The following GLCE variants were observed in gnomAD, a reference collection of about 807,000 sequenced individuals.
The protein encoded by GLCE is D-glucuronyl C5-epimerase.
A neutral mutation model predicts 47.9 loss-of-function variants in GLCE; 19 were observed. The ratio of observed to expected loss-of-function variants is 0.40; its 90% CI spans 0.28 to 0.58. The LOEUF (loss-of-function observed/expected upper bound fraction) is 0.58. GLCE is among the 20% of genes least tolerant of loss of function. The pLI, the probability that GLCE is intolerant of heterozygous loss-of-function variation, is 0.48. For missense variants in GLCE, 556 were observed against 743.3 expected (o/e 0.75, Z 2.93); for synonymous variants, 245 against 263.4 (o/e 0.93, Z 0.68).
chr15:69,213,148 T>G (rs895587010), intron 2 of GLCE, among the ~76,000 whole-genome samples: 1 of 152,054 alleles, frequency 6.6e-6, no homozygotes, highest in African/African-American at 2.4e-5. Flanking sequence ...TACAGAGAGT[T>G]TTTTTAATAT....
intron 1 of GLCE, among the ~76,000 whole-genome samples, chr15:69,205,222 C>G (rs952511387): frequency 1.3e-5 from 2 of 151,658 alleles, no homozygotes; most frequent in South Asian, 2.1e-4. Context: ...CAAAAATGGT[C>G]ATGAAGTGGA....
At chr15:69,235,856 G>T (rs367766772) in intron 2 of GLCE, among the ~76,000 whole-genome samples, 309 of 152,122 alleles carry the variant, frequency 2.0e-3, no homozygotes, top group African/African-American at 7.1e-3. Context: ...GAGTTTTGTC[G>T]GATGAATACA....
chr15:69,164,840 A>G (rs6494786), intron 1 of GLCE, among the ~76,000 whole-genome samples: 112,325 of 151,992 alleles, frequency 0.74, 41,740 homozygotes, highest in Admixed American at 0.78. Context: ...TTTTAGTTCC[A>G]ATCCCTGGTT....
intron 1 of GLCE, among the ~76,000 whole-genome samples, chr15:69,176,788 G>A (rs943652051): frequency 1.3e-5 from 2 of 152,006 alleles, no homozygotes; most frequent in Non-Finnish European, 2.9e-5. Flanking sequence ...AATGACTTAG[G>A]CCATTTTGAT....
At chr15:69,177,423 GATAA>G (rs2051684299) in intron 1 of GLCE, among the ~76,000 whole-genome samples, 1 of 151,938 alleles carries the variant, frequency 6.6e-6, no homozygotes, top group African/African-American at 2.4e-5. Context: ...ACCATTTTTT[GATAA>G]TTTTTAAAAC....
chr15:69,234,527 GAT>G, intron 2 of GLCE, among the ~76,000 whole-genome samples: 1 of 151,724 alleles, frequency 6.6e-6, no homozygotes, highest in African/African-American at 2.4e-5. Context: ...AAAATGTATT[GAT>G]ATATATATAT....
At chr15:69,222,330 AG>A (rs2052388893) in intron 2 of GLCE, among the ~76,000 whole-genome samples, 1 of 152,154 alleles carries the variant, frequency 6.6e-6, no homozygotes, top group Non-Finnish European at 1.5e-5. Context: ...GGTGGGAGGC[AG>A]GGGTGGTGGA....
Position 69,171,147 on chromosome 15 carries a change from TTTAC to T in GLCE, c.-105+10394_-105+10397del, listed in dbSNP as rs565979307. 2.8e-4 allele frequency among the ~76,000 whole-genome samples: 42 copies of T among 152,150 alleles called. No individual in the cohort carries two copies. In the East Asian group the frequency reaches 7.7e-3, roughly 28 times the overall value. On this transcript the variant is annotated intron_variant, in intron 1 of 4. Coordinates refer to ENST00000261858, the MANE Select transcript of GLCE (RefSeq NM_015554.3). ...TTTAAAAACCAAATAAAATTATTCA[TTTAC>T]TTAAACTTTTATTTACCTAATTTAA...
chr15:69,163,655 A>G (rs1262604469), intron 1 of GLCE, among the ~76,000 whole-genome samples: 1 of 152,228 alleles, frequency 6.6e-6, no homozygotes, highest in Non-Finnish European at 1.5e-5. Context: ...AGACTTAACC[A>G]TGTTTGGATT....
At chr15:69,252,784 AAT>A (rs1304369605) in intron 2 of GLCE, among the ~76,000 whole-genome samples, 51 of 152,270 alleles carry the variant, frequency 3.3e-4, no homozygotes, top group African/African-American at 1.2e-3. Flanking sequence ...TAAAAAAAAA[AAT>A]AAACACCATT....
Position 69,268,488 on chromosome 15 carries a change from C to T in GLCE, c.1098C>T (p.Asn366=). 6.2e-7 allele frequency: 1 copy of T among 1,614,166 alleles called. No individual in the cohort carries two copies. The highest frequency in any genetic ancestry group is 1.1e-5 in the South Asian group (1 of 91,086). ...TDLRKGVGLS[N]TKAVKPTKIM... The stretch of plus-strand genomic sequence containing the variant: ...TCAGGAAAGGAGTGGGTCTTTCAAA[C>T]ACAAAAGCTGTCAAGCCAACCAAAA... The change falls in exon 5 of 5, where the codon AAC becomes AAT. Residue 366 remains asparagine (N), a synonymous_variant. Coordinates refer to ENST00000261858, the MANE Select transcript of GLCE (RefSeq NM_015554.3).
In GLCE at chr15:69,192,219, A is replaced by G. The variant is rs78841791; in HGVS notation, c.-104-18097A>G. ...CCGACATTGCTACAGAGGTCATGGC[A>G]TCTTTATTTTTTGGAGGGGTTATGT... On this transcript the variant is annotated intron_variant, in intron 1 of 4. Coordinates refer to ENST00000261858, the MANE Select transcript of GLCE (RefSeq NM_015554.3). 6.4e-3 allele frequency among the ~76,000 whole-genome samples: 977 copies of G among 151,840 alleles called. 9 individuals are homozygous for G. Among genetic ancestry groups the G allele is most frequent in the African/African-American group, 0.023 (935 of 41,454 alleles).
intron 3 of GLCE, among the ~76,000 whole-genome samples, chr15:69,260,419 C>A (rs953282286): frequency 4.6e-5 from 7 of 152,084 alleles, no homozygotes; most frequent in Non-Finnish European, 8.8e-5. Context: ...GCCACCACCC[C>A]CAGCTAGCTT....
intron 1 of GLCE, among the ~76,000 whole-genome samples, chr15:69,204,241 C>A (rs1338059879): frequency 6.6e-6 from 1 of 150,490 alleles, no homozygotes; most frequent in African/African-American, 2.4e-5. Flanking sequence ...ACTATTTTTT[C>A]CCTGATAAAA....
chr15:69,249,003 A>G (rs1456350885), intron 2 of GLCE, among the ~76,000 whole-genome samples: 3 of 152,196 alleles, frequency 2.0e-5, no homozygotes, highest in Non-Finnish European at 4.4e-5. Context: ...ATTTAAATGT[A>G]TAATATGTCA....
At chr15:69,219,402 T>A (rs1041198946) in intron 2 of GLCE, among the ~76,000 whole-genome samples, 16 of 152,162 alleles carry the variant, frequency 1.1e-4, no homozygotes, top group South Asian at 2.1e-4. Flanking sequence ...ATATTTTTTT[T>A]AATAACATCC....
In GLCE at chr15:69,214,064, A is replaced by G. The variant is rs1028120077; in HGVS notation, c.-14+3658A>G. Among the ~76,000 whole-genome samples the G allele has an allele frequency of 2.6e-5, 4 of 151,836 alleles. No homozygotes were observed. In the East Asian group the frequency reaches 7.7e-4, roughly 29 times the overall value. ...ACTTTCTGACTTTATGAGATGCTTC[A>G]GGCTCATCTTGTATTTTCCCTGCTT... On this transcript the variant is annotated intron_variant, in intron 2 of 4. Coordinates refer to ENST00000261858, the MANE Select transcript of GLCE (RefSeq NM_015554.3).
chr15:69,269,013 C>T lies in GLCE; in HGVS notation c.1623C>T (p.Gly541=). 6.2e-7 allele frequency: 1 copy of T among 1,614,158 alleles called. No homozygotes were observed. Among genetic ancestry groups the T allele is most frequent in the Non-Finnish European group, 8.5e-7 (1 of 1,179,988 alleles). The change falls in exon 5 of 5, where the codon GGC becomes GGT. Residue 541 remains glycine, a synonymous_variant. Transcript: ENST00000261858. ...GKEARSLYER[G]MESLKAMLPL... is the part of the protein sequence containing the mutation. The stretch of plus-strand genomic sequence containing the variant: ...AAGCAAGGTCCTTGTATGAGCGTGG[C>T]ATGGAATCTCTTAAAGCCATGCTGC...
At chr15:69,233,762 A>G (rs1002561150) in intron 2 of GLCE, among the ~76,000 whole-genome samples, 1 of 152,228 alleles carries the variant, frequency 6.6e-6, no homozygotes. Flanking sequence ...TTTGTATAAC[A>G]TCTTAATTTC....
Sources: gnomAD v4.1 joint callset for allele counts (sites outside exome capture counted in the v4.1 genomes callset) on GRCh38, gnomAD v4.1.1 for gene constraint, MANE v1.5 for transcripts, NCBI Gene and HGNC (gene_info 2026-07-23, HGNC 2026-07-21) for gene names.